CACNA2D3: variants seen among roughly 807,000 people sequenced by gnomAD.
CACNA2D3 encodes calcium voltage-gated channel auxiliary subunit alpha2delta 3.
CACNA2D3 carries 60 observed loss-of-function variants against 160.6 expected under a neutral mutation model. The ratio of observed to expected loss-of-function variants is 0.37; its 90% CI spans 0.30 to 0.46. CACNA2D3 has a LOEUF of 0.46. CACNA2D3 is among the 20% of genes least tolerant of loss of function. The probability of loss-of-function intolerance (pLI) is 1.00; values close to 1 mark genes in which losing one functional copy is unlikely to be tolerated. For synonymous variants in CACNA2D3, 558 were observed against 492.9 expected (o/e 1.13, Z -1.75); for missense variants, 1,205 against 1,365.0 (o/e 0.88, Z 1.85).
intron 5 of CACNA2D3, among the ~76,000 whole-genome samples, chr3:54,530,920 A>G (rs1422052136): frequency 6.6e-6 from 1 of 152,170 alleles, no homozygotes; most frequent in South Asian, 2.1e-4. Context: ...AGACCGGCCT[A>G]GCTGTTTCTC....
chr3:55,008,160 T>C (rs1703137197), intron 33 of CACNA2D3, among the ~76,000 whole-genome samples: 2 of 152,256 alleles, frequency 1.3e-5, no homozygotes, highest in South Asian at 4.1e-4. Flanking sequence ...CTGGGTGGGC[T>C]GTGGTCAGAA....
At chr3:54,195,868 A>G (rs1051394559) in intron 2 of CACNA2D3, among the ~76,000 whole-genome samples, 5 of 152,218 alleles carry the variant, frequency 3.3e-5, no homozygotes, top group Admixed American at 2.6e-4. Flanking sequence ...CTGGACATTT[A>G]TGCAAGTGAA....
intron 2 of CACNA2D3, among the ~76,000 whole-genome samples, chr3:54,233,422 T>G (rs1338831578): frequency 6.6e-6 from 1 of 152,164 alleles, no homozygotes; most frequent in Non-Finnish European, 1.5e-5. Context: ...AGAGCACCAA[T>G]GAATGCCACA....
At chr3:54,957,828 A>G (rs895948532) in intron 27 of CACNA2D3, among the ~76,000 whole-genome samples, 4 of 152,154 alleles carry the variant, frequency 2.6e-5, no homozygotes, top group African/African-American at 9.7e-5. Context: ...GACACAAACC[A>G]TGCATCCCAG....
intron 35 of CACNA2D3, among the ~76,000 whole-genome samples, chr3:55,036,564 T>G (rs1424862912): frequency 2.0e-5 from 3 of 151,838 alleles, no homozygotes; most frequent in Admixed American, 1.3e-4. Context: ...ACCTCCTGGG[T>G]TCAAGCGATT....
At chr3:54,151,006 G>A (rs1034745188) in intron 2 of CACNA2D3, among the ~76,000 whole-genome samples, 1 of 151,716 alleles carries the variant, frequency 6.6e-6, no homozygotes, top group African/African-American at 2.4e-5. Flanking sequence ...GTGGATAGAT[G>A]AATGAATGGA....
chr3:54,341,361 C>T (rs1393284899), intron 3 of CACNA2D3, among the ~76,000 whole-genome samples: 1 of 152,166 alleles, frequency 6.6e-6, no homozygotes, highest in Non-Finnish European at 1.5e-5. Context: ...TGCTAGGTTC[C>T]AAGCTATAGT....
At chr3:54,607,266 A>C (rs1199814462) in intron 9 of CACNA2D3, among the ~76,000 whole-genome samples, 2 of 152,168 alleles carry the variant, frequency 1.3e-5, no homozygotes. Flanking sequence ...CCCTGAGGTC[A>C]TGCGGCACTA....
intron 27 of CACNA2D3, among the ~76,000 whole-genome samples, chr3:54,963,867 T>C (rs897608835): frequency 1.3e-5 from 2 of 152,018 alleles, no homozygotes; most frequent in Admixed American, 1.3e-4. Context: ...AGGGTAAAAG[T>C]AGATAAGAAG....
At chr3:54,270,955 G>A (rs967908510) in intron 2 of CACNA2D3, among the ~76,000 whole-genome samples, 3 of 152,142 alleles carry the variant, frequency 2.0e-5, no homozygotes, top group African/African-American at 7.2e-5. Flanking sequence ...TAAGAGATTT[G>A]TTTTATGTAT....
chr3:54,717,818 G>C (rs1282346282), intron 11 of CACNA2D3, among the ~76,000 whole-genome samples: 1 of 139,884 alleles, frequency 7.1e-6, no homozygotes, highest in Admixed American at 7.2e-5. Context: ...GCATGTTTGC[G>C]TGTGTGTGGT....
At chr3:54,916,890 T>C (rs941081771) in intron 27 of CACNA2D3, among the ~76,000 whole-genome samples, 6 of 152,214 alleles carry the variant, frequency 3.9e-5, no homozygotes, top group African/African-American at 1.4e-4. Context: ...TCCAGTTGAT[T>C]AGTTCTGGTT....
intron 2 of CACNA2D3, among the ~76,000 whole-genome samples, chr3:54,134,726 C>T (rs551815625): frequency 6.6e-6 from 1 of 152,368 alleles, no homozygotes; most frequent in African/African-American, 2.4e-5. Context: ...GACAGCAGAA[C>T]AAGCCGGTCC....
At position 54,415,054 on chromosome 3, in the gene CACNA2D3, C is replaced by T. The variant is rs138122448; in HGVS notation, c.381+28280C>T. Among the ~76,000 whole-genome samples, 382 of 152,150 alleles carry T rather than the reference C, an allele frequency of 2.5e-3. 4 individuals are homozygous for T. The highest frequency in any genetic ancestry group is 8.4e-3 in the African/African-American group (349 of 41,530). Reference sequence around the variant, plus strand: ...AAGGGGGCATTTGGGGACACCAGAGCGTTCTTGGCATATCCGAAATTATGC... The same window carrying T: ...AAGGGGGCATTTGGGGACACCAGAGTGTTCTTGGCATATCCGAAATTATGC... On this transcript the variant is annotated intron_variant, in intron 4 of 37. Transcript: ENST00000474759.
At chr3:55,002,846 C>T (rs910609910) in intron 31 of CACNA2D3, among the ~76,000 whole-genome samples, 21 of 152,104 alleles carry the variant, frequency 1.4e-4, no homozygotes, top group African/African-American at 4.3e-4. Flanking sequence ...TACCCACAGA[C>T]GACTGTGTTT....
At chr3:54,319,335 C>T (rs1703939452) in intron 2 of CACNA2D3, among the ~76,000 whole-genome samples, 1 of 152,070 alleles carries the variant, frequency 6.6e-6, no homozygotes, top group Non-Finnish European at 1.5e-5. Flanking sequence ...ATACATTTTC[C>T]TTTTCACAAC....
intron 3 of CACNA2D3, among the ~76,000 whole-genome samples, chr3:54,322,282 G>A (rs1559449447): frequency 6.6e-6 from 1 of 151,996 alleles, no homozygotes. Flanking sequence ...AGACCAGTGA[G>A]CAAAGCTGAG....
chr3:54,614,736 C>G (rs1014780470), intron 9 of CACNA2D3, among the ~76,000 whole-genome samples: 3 of 152,100 alleles, frequency 2.0e-5, no homozygotes, highest in African/African-American at 7.2e-5. Flanking sequence ...AGTCTGTAAC[C>G]TCTTGCTTAT....
intron 9 of CACNA2D3, among the ~76,000 whole-genome samples, chr3:54,603,192 G>A (rs970603235): frequency 6.6e-5 from 10 of 152,206 alleles, no homozygotes; most frequent in Non-Finnish European, 1.3e-4. Flanking sequence ...GGCGCTGGCC[G>A]TGCAGCCCGC....
Sources: gnomAD v4.1 joint callset for allele counts (sites outside exome capture counted in the v4.1 genomes callset) on GRCh38, gnomAD v4.1.1 for gene constraint, MANE v1.5 for transcripts, NCBI Gene and HGNC (gene_info 2026-07-23, HGNC 2026-07-21) for gene names.